Variants in PLA2G4C observed in about 807,000 individuals in gnomAD.
PLA2G4C encodes the protein phospholipase A2 group IVC.
PLA2G4C carries 64 observed loss-of-function variants against 73.8 expected under a neutral mutation model. The observed-to-expected ratio is 0.87, with a 90% confidence interval of 0.71 to 1.07. PLA2G4C has a LOEUF of 1.07. Ranked by LOEUF, PLA2G4C falls within the 50% of genes least tolerant of loss-of-function variation. The probability of loss-of-function intolerance (pLI) is 0.00; values close to 1 mark genes in which losing one functional copy is unlikely to be tolerated. For missense variants in PLA2G4C, 622 were observed against 665.4 expected, an observed-to-expected ratio of 0.93 and a Z score of 0.72; for synonymous variants, 254 against 252.1, an observed-to-expected ratio of 1.01 and a Z score of -0.07.
At chr19:48,105,543 A>G (rs1459895964) in intron 2 of PLA2G4C, 99 bp from the exon 3 acceptor site, 2 of 819,924 alleles carry the variant, frequency 2.4e-6, no homozygotes, top group Non-Finnish European at 4.1e-6. Context: ...GCAGGTAGCC[A>G]CCAGCCCACG....
chr19:48,110,531 T>TGCTCCGGAATCCGGTGCGGAGGCCTGG lies in PLA2G4C; in HGVS notation c.-78_-77insCCAGGCCTCCGCACCGGATTCCGGAGC. 2 of 1,386,158 alleles carry TGCTCCGGAATCCGGTGCGGAGGCCTGG rather than the reference T, an allele frequency of 1.4e-6. No individual in the cohort carries two copies. Among genetic ancestry groups the TGCTCCGGAATCCGGTGCGGAGGCCTGG allele is most frequent in the Non-Finnish European group, 1.9e-6 (2 of 1,049,482 alleles). The allele number at this position is 1,386,158 out of a possible 1,614,324, so 85.9% of individuals were successfully genotyped here. A position where few individuals can be genotyped will look rare whatever the true frequency, so the allele number is the denominator to read the frequency against. ...GTGTGCGCATGCGCGGTGGAGCTTGTGCTCCGGAATCCGGTGCGGAGGCTT... is the reference window on the plus strand; with the variant it reads ...GTGTGCGCATGCGCGGTGGAGCTTGTGCTCCGGAATCCGGTGCGGAGGCCTGGGCTCCGGAATCCGGTGCGGAGGCTT... On this transcript the variant is annotated 5_prime_UTR_variant, in exon 1 of 17. Coordinates refer to ENST00000599921, the MANE Select transcript of PLA2G4C (RefSeq NM_003706.3).
In PLA2G4C at chr19:48,077,782, G is replaced by A. The variant is rs762067726; in HGVS notation, c.887C>T (p.Pro296Leu). The change falls in exon 11 of 17, where the codon CCT becomes CTT. Residue 296 changes from proline to leucine, a missense_variant. By Grantham distance (98) the Pro-to-Leu change is moderately conservative. Transcript: ENST00000599921. ...RLQESSQGEH[P>L]PPEDEGGEPE... ...AGTAGGATGCTTACCTTCTGGGGGAGGATGTTCCCCTTGTGAACTTTCTTG... is the reference window on the plus strand; with the variant it reads ...AGTAGGATGCTTACCTTCTGGGGGAAGATGTTCCCCTTGTGAACTTTCTTG... The A allele has an allele frequency of 5.0e-6, 8 of 1,606,146 alleles. No homozygotes were observed. The highest frequency in any genetic ancestry group is 1.7e-5 in the Admixed American group (1 of 58,890).
chr19:48,049,000 T>C (rs1331692778), intron 16 of PLA2G4C, among the ~76,000 whole-genome samples: 1 of 152,058 alleles, frequency 6.6e-6, no homozygotes, highest in Non-Finnish European at 1.5e-5. Flanking sequence ...GGTGCTTTCC[T>C]CCCTTCTCTC....
Position 48,062,158 on chromosome 19 carries a change from G to A in PLA2G4C, c.1103-6C>T. The A allele has an allele frequency of 6.4e-7, 1 of 1,551,702 alleles. No homozygotes were observed. Among genetic ancestry groups the A allele is most frequent in the Non-Finnish European group, 8.7e-7 (1 of 1,147,262 alleles). On this transcript the variant is annotated splice_region_variant and splice_polypyrimidine_tract_variant and intron_variant, in intron 13 of 16. Coordinates refer to ENST00000599921, the MANE Select transcript of PLA2G4C (RefSeq NM_003706.3). The stretch of plus-strand genomic sequence containing the variant: ...TATCTTGTCCCGGATGCCACCTGTG[G>A]TGCCCAGGAAGAAAGAGGATCAGCT...
chr19:48,048,887 C>T (rs937131764), intron 16 of PLA2G4C, among the ~76,000 whole-genome samples: 3 of 152,184 alleles, frequency 2.0e-5, no homozygotes, highest in Non-Finnish European at 4.4e-5. Flanking sequence ...ATGTTTGGAT[C>T]ATGGGAGTGG....
chr19:48,080,362 C>A (rs1266434532), intron 10 of PLA2G4C, among the ~76,000 whole-genome samples: 3 of 151,990 alleles, frequency 2.0e-5, no homozygotes, highest in Non-Finnish European at 4.4e-5. Context: ...GCAAATGGAA[C>A]ACTCACACAC....
At chr19:48,098,035 C>T in intron 6 of PLA2G4C, 104 bp downstream of exon 6, 2 of 1,322,732 alleles carry the variant, frequency 1.5e-6, no homozygotes, top group Non-Finnish European at 1.0e-6. Context: ...GAGCCCTTCC[C>T]TCTTCCTGGG....
At chr19:48,100,841 G>C (rs1237620415) in intron 4 of PLA2G4C, among the ~76,000 whole-genome samples, 1 of 148,666 alleles carries the variant, frequency 6.7e-6, no homozygotes, top group African/African-American at 2.5e-5. Context: ...GTGAACCCGG[G>C]AGGCTGAGCT....
chr19:48,052,831 G>T, intron 16 of PLA2G4C, 166 bp downstream of exon 16: 1 of 622,128 alleles, frequency 1.6e-6, no homozygotes, highest in Non-Finnish European at 2.7e-6. Context: ...ATTCACTCCT[G>T]ACCCTGTTCA....
chr19:48,067,860 C>T lies in PLA2G4C; in HGVS notation c.1033G>A (p.Val345Met). ...KGSLSNLMDF[V>M]KKTGICASKW... ...GAAGCGCAAATGCCTGTTTTCTTCA[C>T]AAAATCCATCAAGTTACTGAGTGAG... The change falls in exon 13 of 17, where the codon GTG becomes ATG. Residue 345 changes from valine to methionine, a missense_variant. Transcript: ENST00000599921. 1.2e-6 allele frequency: 2 copies of T among 1,613,686 alleles called. No homozygotes were observed. The highest frequency in any genetic ancestry group is 1.7e-6 in the Non-Finnish European group (2 of 1,179,596).
intron 9 of PLA2G4C, among the ~76,000 whole-genome samples, chr19:48,088,167 T>A (rs404254): frequency 0.093 from 14,146 of 151,510 alleles, 1,401 homozygotes; most frequent in African/African-American, 0.25. Flanking sequence ...GCTTCAAGAG[T>A]CTTCTACCAT....
intron 12 of PLA2G4C, among the ~76,000 whole-genome samples, chr19:48,071,322 C>T (rs932188152): frequency 1.3e-5 from 2 of 152,226 alleles, no homozygotes; most frequent in South Asian, 2.1e-4. Flanking sequence ...CAGAGTTTCA[C>T]TCTTGTTGCC....
Position 48,050,673 on chromosome 19 carries a change from C to CTTTTTTTTTTTTTTTTTTTTTTT in PLA2G4C, c.1581-2286_1581-2285insAAAAAAAAAAAAAAAAAAAAAAA. ...ATCCCTAGAGCCTGTGAGTATGTGA[C>CTTTTTTTTTTTTTTTTTTTTTTT]TTTTTTTTTTTTTTTTTTTGAGACA... On this transcript the variant is annotated intron_variant, in intron 16 of 16. Coordinates refer to ENST00000599921, the MANE Select transcript of PLA2G4C (RefSeq NM_003706.3). Among the ~76,000 whole-genome samples, 2 of 78,746 alleles carry CTTTTTTTTTTTTTTTTTTTTTTT rather than the reference C, an allele frequency of 2.5e-5. 1 individual carries two copies. Among genetic ancestry groups the CTTTTTTTTTTTTTTTTTTTTTTT allele is most frequent in the Non-Finnish European group, 4.7e-5 (2 of 42,274 alleles). The allele number at this position is 78,746 out of a possible 152,430, so 51.7% of individuals were successfully genotyped here.
chr19:48,056,266 G>A (rs897881407), intron 14 of PLA2G4C, among the ~76,000 whole-genome samples: 2 of 152,080 alleles, frequency 1.3e-5, no homozygotes, highest in African/African-American at 4.8e-5. Context: ...GATCAATGCG[G>A]GCCAGGCGTG....
intron 4 of PLA2G4C, among the ~76,000 whole-genome samples, chr19:48,101,106 A>C (rs926434755): frequency 1.7e-5 from 1 of 59,978 alleles, no homozygotes; most frequent in African/African-American, 7.6e-5. Context: ...CATAGAGTCT[A>C]TATATATATA....
chr19:48,106,454 C>T, intron 2 of PLA2G4C, 68 bp downstream of exon 2: 3 of 1,155,200 alleles, frequency 2.6e-6, no homozygotes. Context: ...CACCTCTTGA[C>T]ACTCACTATG....
chr19:48,062,890 G>A (rs1167009618), intron 13 of PLA2G4C, among the ~76,000 whole-genome samples: 2 of 152,138 alleles, frequency 1.3e-5, no homozygotes, highest in Admixed American at 6.5e-5. Context: ...ATGATGACAT[G>A]TGCCCAAGGC....
intron 8 of PLA2G4C, among the ~76,000 whole-genome samples, chr19:48,089,287 C>G (rs2031160211): frequency 6.6e-6 from 1 of 152,062 alleles, no homozygotes; most frequent in Non-Finnish European, 1.5e-5. Flanking sequence ...ATTAGCCAGG[C>G]ACGGTGGTGC....
In PLA2G4C at chr19:48,052,995, A is replaced by G; in HGVS notation, c.1580+2T>C. On this transcript the variant is annotated splice_donor_variant, in intron 16 of 16. Transcript: ENST00000599921. LOFTEE classifies it high-confidence loss of function. ...TCAGAGCGACTATGGTCTCCCACCT[A>G]CCCGGCCACGTTCATCAACTCTCTA... 6.2e-7 allele frequency: 1 copy of G among 1,605,284 alleles called. No homozygotes were observed. Among genetic ancestry groups the G allele is most frequent in the African/African-American group, 1.3e-5 (1 of 74,836 alleles).
Sources: allele counts gnomAD v4.1 joint callset (sites outside exome capture counted in the v4.1 genomes callset), GRCh38; gene constraint gnomAD v4.1.1; transcripts MANE v1.5; gene names NCBI Gene and HGNC (gene_info 2026-07-23, HGNC 2026-07-21).